The following XKR6 variants were observed in gnomAD, a reference collection of about 807,000 sequenced individuals.
XKR6 encodes XK-related protein 6.
XKR6 carries 22 observed loss-of-function variants against 56.7 expected under a neutral mutation model. That is an observed-to-expected ratio of 0.39 (90% CI 0.28 to 0.55). The LOEUF is 0.55. Ranked by LOEUF, XKR6 falls within the 20% of genes least tolerant of loss-of-function variation. The pLI is 0.66. For missense variants in XKR6, 852 were observed against 889.0 expected (o/e 0.96, Z 0.53); for synonymous variants, 524 against 387.8 (o/e 1.35, Z -4.13).
chr8:11,104,502 C>T (rs558764447), intron 1 of XKR6, among the ~76,000 whole-genome samples: 1 of 152,230 alleles, frequency 6.6e-6, no homozygotes, highest in African/African-American at 2.4e-5. Flanking sequence ...TGAAGGCAAT[C>T]GCCACACAGC....
At chr8:11,053,945 A>G (rs1360034348) in intron 1 of XKR6, among the ~76,000 whole-genome samples, 1 of 152,226 alleles carries the variant, frequency 6.6e-6, no homozygotes, top group Non-Finnish European at 1.5e-5. Context: ...TCTGGAGGGA[A>G]CATGGGAAAA....
chr8:10,927,812 G>A (rs77132601), intron 1 of XKR6, among the ~76,000 whole-genome samples: 2 of 152,234 alleles, frequency 1.3e-5, no homozygotes, highest in African/African-American at 4.8e-5. Flanking sequence ...GGCAAAGAGG[G>A]TGCCACTCCT....
At chr8:10,952,567 T>C (rs1801758618) in intron 1 of XKR6, among the ~76,000 whole-genome samples, 1 of 152,124 alleles carries the variant, frequency 6.6e-6, no homozygotes, top group African/African-American at 2.4e-5. Flanking sequence ...AATCCTCCCA[T>C]CTCAGCCTCC....
intron 1 of XKR6, among the ~76,000 whole-genome samples, chr8:11,197,555 A>G (rs1280050647): frequency 6.6e-6 from 1 of 152,212 alleles, no homozygotes; most frequent in Non-Finnish European, 1.5e-5. Context: ...TCCCCACAAA[A>G]AGCACCTGAA....
intron 1 of XKR6, among the ~76,000 whole-genome samples, chr8:11,190,174 AAAAGAAAGAAAAG>A (rs1164507375): frequency 7.4e-5 from 10 of 134,342 alleles, no homozygotes; most frequent in South Asian, 2.2e-4. Context: ...AGAAAGAAAG[AAAAGAAAGAAAAG>A]AAAGAAAGAA....
chr8:11,031,793 C>G (rs1297465093), intron 1 of XKR6, among the ~76,000 whole-genome samples: 4 of 152,268 alleles, frequency 2.6e-5, no homozygotes, highest in African/African-American at 9.6e-5. Flanking sequence ...ACTTTATTCA[C>G]ATGGCCCTGC....
intron 1 of XKR6, among the ~76,000 whole-genome samples, chr8:10,937,655 C>T (rs1481161502): frequency 6.0e-5 from 9 of 149,658 alleles, no homozygotes; most frequent in Admixed American, 4.6e-4. Flanking sequence ...TTGGAATACC[C>T]TGCCGTGTGA....
chr8:11,199,740 C>T (rs1340047603), intron 1 of XKR6, among the ~76,000 whole-genome samples: 2 of 152,122 alleles, frequency 1.3e-5, no homozygotes, highest in African/African-American at 4.8e-5. Context: ...AACTGGGACA[C>T]GGGAAATTTA....
At chr8:10,957,230 C>A (rs941199312) in intron 1 of XKR6, among the ~76,000 whole-genome samples, 2 of 152,196 alleles carry the variant, frequency 1.3e-5, no homozygotes, top group African/African-American at 2.4e-5. Flanking sequence ...GGATTCCAGG[C>A]AGGAGCCACC....
intron 1 of XKR6, among the ~76,000 whole-genome samples, chr8:11,116,853 G>A (rs373299993): frequency 6.6e-6 from 1 of 152,122 alleles, no homozygotes; most frequent in Non-Finnish European, 1.5e-5. Flanking sequence ...CAACAACTGC[G>A]ACACTGTCCT....
intron 1 of XKR6, among the ~76,000 whole-genome samples, chr8:10,998,391 G>T (rs1257463313): frequency 6.6e-6 from 1 of 152,136 alleles, no homozygotes; most frequent in Admixed American, 6.6e-5. Flanking sequence ...GCAAGCCCTA[G>T]AATAACGAGT....
intron 1 of XKR6, among the ~76,000 whole-genome samples, chr8:11,195,973 G>C (rs1420470793): frequency 4.1e-5 from 6 of 144,746 alleles, no homozygotes; most frequent in East Asian, 2.0e-4. Context: ...AAAAAAAAAA[G>C]CTATTTTTAC....
At chr8:11,053,486 G>C (rs1171813914) in intron 1 of XKR6, among the ~76,000 whole-genome samples, 2 of 152,198 alleles carry the variant, frequency 1.3e-5, no homozygotes, top group South Asian at 4.1e-4. Flanking sequence ...AGACAGAGGA[G>C]GTAATGAATG....
intron 1 of XKR6, among the ~76,000 whole-genome samples, chr8:11,004,222 C>T (rs1798313188): frequency 6.6e-6 from 1 of 152,118 alleles, no homozygotes; most frequent in Non-Finnish European, 1.5e-5. Flanking sequence ...GCCTGTAATC[C>T]CAGCACTTTG....
rs1033108588 is a variant in XKR6 at position 11,200,520 on chromosome 8, G to C, written c.764+56C>G. On this transcript the variant is annotated intron_variant, in intron 1 of 2. Transcript: ENST00000416569. This position sits in a 1 kb window ranked among gnomAD's most constrained non-coding sequence, Gnocchi z 6.4. ...GAGGGGCCGCCCCGCGAAGCACCGGGAGGGCGGAGGGGGGCTCCTCAGGGC... is the reference window on the plus strand; with the variant it reads ...GAGGGGCCGCCCCGCGAAGCACCGGCAGGGCGGAGGGGGGCTCCTCAGGGC... The C allele has an allele frequency of 2.1e-6, 3 of 1,396,550 alleles. No homozygotes were observed. Among genetic ancestry groups the C allele is most frequent in the Non-Finnish European group, 2.8e-6 (3 of 1,083,392 alleles). 86.5% of individuals were successfully genotyped at this position (1,396,550 alleles called of 1,614,324 possible).
intron 1 of XKR6, among the ~76,000 whole-genome samples, chr8:11,176,718 G>C (rs538918850): frequency 6.6e-6 from 1 of 152,030 alleles, no homozygotes; most frequent in Non-Finnish European, 1.5e-5. Context: ...CCCATCAGCA[G>C]TTAGGGCATC....
At chr8:11,122,782 G>C (rs1455078764) in intron 1 of XKR6, among the ~76,000 whole-genome samples, 2 of 152,138 alleles carry the variant, frequency 1.3e-5, no homozygotes, top group African/African-American at 4.8e-5. Context: ...AGGGCAGATT[G>C]ACTCATACTA....
At chr8:10,977,706 G>A (rs1000692023) in intron 1 of XKR6, among the ~76,000 whole-genome samples, 1 of 150,542 alleles carries the variant, frequency 6.6e-6, no homozygotes, top group Non-Finnish European at 1.5e-5. Flanking sequence ...GATAGAGACA[G>A]TGCAGGGGTC....
chr8:11,191,634 C>G (rs1443422585), intron 1 of XKR6, among the ~76,000 whole-genome samples: 2 of 144,580 alleles, frequency 1.4e-5, no homozygotes, highest in Non-Finnish European at 3.0e-5. Flanking sequence ...AAGAGACACT[C>G]AGGAAACGCA....
Sources: gnomAD v4.1 joint callset for allele counts (sites outside exome capture counted in the v4.1 genomes callset) on GRCh38, gnomAD v4.1.1 for gene constraint, Gnocchi (gnomAD v3.1) non-coding constraint, MANE v1.5 for transcripts, NCBI Gene and HGNC (gene_info 2026-07-23, HGNC 2026-07-21) for gene names.